Variants in CAPN7 observed in about 807,000 individuals in gnomAD.
CAPN7 encodes the protein calpain-7.
In CAPN7, 72 loss-of-function variants were observed where a neutral mutation model predicts 115.2. The ratio of observed to expected loss-of-function variants is 0.63; its 90% CI spans 0.52 to 0.76. The LOEUF (loss-of-function observed/expected upper bound fraction) is 0.76, where lower values mean the gene tolerates loss of function less well. Among genes scored for constraint, CAPN7 ranks in the 30% least tolerant of loss-of-function variants. The probability of loss-of-function intolerance (pLI) is 0.00; values close to 1 mark genes in which losing one functional copy is unlikely to be tolerated. For synonymous variants in CAPN7, 344 were observed against 322.3 expected, an observed-to-expected ratio of 1.07 and a Z score of -0.72; for missense variants, 905 against 971.5, an observed-to-expected ratio of 0.93 and a Z score of 0.91.
chr3:15,222,502 TGA>T (rs531162155), intron 5 of CAPN7, among the ~76,000 whole-genome samples: 40 of 152,344 alleles, frequency 2.6e-4, no homozygotes, highest in African/African-American at 9.6e-4. Context: ...AGCAGCCATC[TGA>T]GAGCATTTTT....
intron 3 of CAPN7, 103 bp downstream of exon 3, chr3:15,217,685 TA>T (rs1277838013): frequency 4.2e-5 from 38 of 900,186 alleles, no homozygotes; most frequent in South Asian, 1.8e-4. Flanking sequence ...TTTAACAGAA[TA>T]AAAAAAATTA....
Position 15,233,914 on chromosome 3 carries a change from T to C in CAPN7, c.1227T>C (p.Ala409=). The part of the protein sequence containing the change: ...ALTGWIPERI[A]MHSDSQTFSK... ...CTGGCTGGATACCAGAAAGAATTGC[T>C]ATGCATTCAGATAGCCAAACTTTCA... Residue 409 remains alanine, a synonymous_variant, in exon 11 of 21, where the codon GCT becomes GCC. Transcript: ENST00000253693. The C allele has an allele frequency of 6.2e-7, 1 of 1,608,294 alleles. No individual in the cohort carries two copies. The highest frequency in any genetic ancestry group is 8.5e-7 in the Non-Finnish European group (1 of 1,175,578).
chr3:15,248,920 C>T (rs1036874789), intron 19 of CAPN7, among the ~76,000 whole-genome samples: 6 of 144,032 alleles, frequency 4.2e-5, no homozygotes, highest in South Asian at 2.3e-4. Flanking sequence ...GACTTGAGCC[C>T]GGGAGGCAGA....
At chr3:15,222,829 A>G (rs1694081950) in intron 5 of CAPN7, among the ~76,000 whole-genome samples, 1 of 152,230 alleles carries the variant, frequency 6.6e-6, no homozygotes, top group Admixed American at 6.5e-5. Context: ...TCCTGACTAT[A>G]TTAAGTAGTC....
intron 1 of CAPN7, among the ~76,000 whole-genome samples, chr3:15,207,654 T>TA (rs59961330): frequency 6.6e-6 from 1 of 151,506 alleles, no homozygotes; most frequent in African/African-American, 2.4e-5. Flanking sequence ...TTTTTTTTTT[T>TA]ATTCTTTAGT....
intron 2 of CAPN7, among the ~76,000 whole-genome samples, chr3:15,214,936 A>T (rs1412399624): frequency 6.6e-6 from 1 of 152,184 alleles, no homozygotes; most frequent in Non-Finnish European, 1.5e-5. Flanking sequence ...TGCTTCTGGG[A>T]TTTAGCTGGG....
intron 18 of CAPN7, 52 bp from the exon 19 acceptor site, chr3:15,247,267 TGTCTTTAA>T: frequency 8.0e-7 from 1 of 1,245,448 alleles, no homozygotes; most frequent in Non-Finnish European, 1.1e-6. Flanking sequence ...AAAGGAGTTT[TGTCTTTAA>T]GTGGAATTGG....
chr3:15,249,792 A>T (rs1695894759), intron 19 of CAPN7, among the ~76,000 whole-genome samples: 2 of 149,486 alleles, frequency 1.3e-5, no homozygotes. Flanking sequence ...TTTGAGACAG[A>T]GTCTTGCTCT....
At chr3:15,207,419 TCTACTCTTGTA>T (rs1449615913) in intron 1 of CAPN7, among the ~76,000 whole-genome samples, 1 of 152,252 alleles carries the variant, frequency 6.6e-6, no homozygotes, top group East Asian at 1.9e-4. Flanking sequence ...CATTCACTGC[TCTACTCTTGTA>T]GACTTTATAA....
At chr3:15,243,331 A>G (rs1440484064) in intron 16 of CAPN7, among the ~76,000 whole-genome samples, 1 of 152,204 alleles carries the variant, frequency 6.6e-6, no homozygotes, top group African/African-American at 2.4e-5. Flanking sequence ...TTGGCTTGTC[A>G]TAATCAGGAA....
At chr3:15,227,619 T>G (rs1240197314) in intron 6 of CAPN7, among the ~76,000 whole-genome samples, 2 of 152,116 alleles carry the variant, frequency 1.3e-5, no homozygotes, top group Non-Finnish European at 2.9e-5. Flanking sequence ...TTTAAGTTGT[T>G]CTTCTGTTTT....
intron 16 of CAPN7, among the ~76,000 whole-genome samples, chr3:15,243,690 C>A (rs1695488376): frequency 6.7e-6 from 1 of 149,782 alleles, no homozygotes; most frequent in Non-Finnish European, 1.5e-5. Flanking sequence ...TTTGAGAAAT[C>A]AAATGAGATT....
chr3:15,245,111 C>CAAA (rs1298467693), intron 16 of CAPN7, among the ~76,000 whole-genome samples: 10 of 98,034 alleles, frequency 1.0e-4, no homozygotes, highest in African/African-American at 2.8e-4. Flanking sequence ...CTAGAATGAC[C>CAAA]AAAAAAAAAA....
chr3:15,250,843 T>A, intron 19 of CAPN7, 88 bp from the exon 20 acceptor site: 1 of 875,282 alleles, frequency 1.1e-6, no homozygotes, highest in African/African-American at 1.7e-5. Context: ...ATAAACTTAG[T>A]ATGACATCTG....
At chr3:15,242,388 C>T (rs960969342) in intron 16 of CAPN7, 135 bp downstream of exon 16, 4 of 579,550 alleles carry the variant, frequency 6.9e-6, no homozygotes, top group Non-Finnish European at 8.8e-6. Flanking sequence ...AGAAACCACT[C>T]AAGCAGATGG....
chr3:15,229,173 C>G, intron 8 of CAPN7, 114 bp downstream of exon 8: 1 of 681,102 alleles, frequency 1.5e-6, no homozygotes, highest in Non-Finnish European at 2.5e-6. Context: ...CAGAATATGG[C>G]CCTTCTGTAG....
intron 1 of CAPN7, among the ~76,000 whole-genome samples, chr3:15,211,229 T>C (rs1320809842): frequency 1.3e-5 from 2 of 152,248 alleles, no homozygotes; most frequent in Non-Finnish European, 2.9e-5. Flanking sequence ...TTGATAATTT[T>C]ATTTTAGCAA....
Position 15,230,436 on chromosome 3 carries a change from C to A in CAPN7, c.939-6C>A. The A allele has an allele frequency of 2.1e-5, 33 of 1,588,024 alleles. No individual in the cohort carries two copies. Among genetic ancestry groups the A allele is most frequent in the Non-Finnish European group, 2.8e-5 (32 of 1,156,744 alleles). ...GGTATTTTAATATTTATTTTTCTTA[C>A]AAAAGCATAATTTACCCTCAAAACA... On this transcript the variant is annotated splice_polypyrimidine_tract_variant and splice_region_variant and intron_variant, in intron 8 of 20. Coordinates refer to ENST00000253693, the MANE Select transcript of CAPN7 (RefSeq NM_014296.3).
In CAPN7 at chr3:15,251,712, GATTCTACT is replaced by G. The variant is rs1696013023; in HGVS notation, c.*455_*462del. The G allele has an allele frequency of 6.5e-6, 1 of 152,686 alleles. No individual in the cohort carries two copies. The highest frequency in any genetic ancestry group is 6.5e-5 in the Admixed American group (1 of 15,306). The allele number at this position is 152,686 out of a possible 1,614,324, so 9.5% of individuals were successfully genotyped here. A position where few individuals can be genotyped will look rare whatever the true frequency, so the allele number is the denominator to read the frequency against. ...GAGCATGTGGAAGTTAAACCTGCTTGATTCTACTATACATCTTGGGCAACTAGTTACCA... is the reference window on the plus strand; with the variant it reads ...GAGCATGTGGAAGTTAAACCTGCTTGATACATCTTGGGCAACTAGTTACCA... On this transcript the variant is annotated 3_prime_UTR_variant, in exon 21 of 21. Coordinates refer to ENST00000253693, the MANE Select transcript of CAPN7 (RefSeq NM_014296.3).
Sources: gnomAD v4.1 joint callset for allele counts (sites outside exome capture counted in the v4.1 genomes callset) on GRCh38, gnomAD v4.1.1 for gene constraint, MANE v1.5 for transcripts, NCBI Gene and HGNC (gene_info 2026-07-23, HGNC 2026-07-21) for gene names.